GLRA2: variants seen among roughly 807,000 people sequenced by gnomAD.
The protein encoded by GLRA2 is glycine receptor subunit alpha-2.
Under a neutral mutation model 31.6 loss-of-function variants are expected in GLRA2, and 11 were observed. That is an observed-to-expected ratio of 0.35 (90% CI 0.22 to 0.58). The LOEUF is 0.58. Among genes scored for constraint, GLRA2 ranks in the 20% least tolerant of loss-of-function variants. The pLI is 0.84. For missense variants in GLRA2, 212 were observed against 351.8 expected, an observed-to-expected ratio of 0.60 and a Z score of 3.18; for synonymous variants, 132 against 134.0, an observed-to-expected ratio of 0.99 and a Z score of 0.10.
chrX:14,457,366 C>T, the GLRA2 span, among the ~76,000 whole-genome samples: 1 of 108,454 alleles, frequency 9.2e-6, no homozygotes, highest in Non-Finnish European at 1.9e-5. Flanking sequence ...CCACCCCCCA[C>T]GGGCCCCAGT....
chrX:14,519,615 G>A, the GLRA2 span, among the ~76,000 whole-genome samples: 1 of 111,794 alleles, frequency 8.9e-6, no homozygotes, highest in African/African-American at 3.3e-5. Context: ...GCTCTAACAA[G>A]ATTAATTTTA....
At chrX:14,613,383 G>A (rs2090421437) in intron 7 of GLRA2, among the ~76,000 whole-genome samples, 1 of 111,905 alleles carries the variant, frequency 8.9e-6, no homozygotes, top group African/African-American at 3.3e-5. Context: ...ATATGTATGT[G>A]TGTACAAGAT....
At chrX:14,708,623 CAGCACACAGCTGGGAGAAAA>C (rs1343999418) in intron 8 of GLRA2, among the ~76,000 whole-genome samples, 34 of 111,662 alleles carry the variant, frequency 3.0e-4, no homozygotes, top group Non-Finnish European at 4.1e-4. Flanking sequence ...CCCAATTATA[CAGCACACAGCTGGGAGAAAA>C]GAGAGACATC....
At chrX:14,566,915 C>T (rs2089815028) in intron 2 of GLRA2, among the ~76,000 whole-genome samples, 1 of 111,596 alleles carries the variant, frequency 9.0e-6, no homozygotes, top group Non-Finnish European at 1.9e-5. Context: ...TCTGCCTGTG[C>T]ACCCTGACCT....
intron 7 of GLRA2, among the ~76,000 whole-genome samples, chrX:14,630,851 C>A (rs1165855195): frequency 9.6e-6 from 1 of 103,979 alleles, no homozygotes; most frequent in Admixed American, 1.1e-4. Context: ...TACATGTGCA[C>A]AACGTGTGGG....
intron 7 of GLRA2, among the ~76,000 whole-genome samples, chrX:14,636,441 A>G (rs960659842): frequency 8.1e-5 from 9 of 111,538 alleles, no homozygotes; most frequent in Non-Finnish European, 1.3e-4. Flanking sequence ...CTTCCTTCCA[A>G]AAACATATAA....
At chrX:14,536,040 A>C (rs973141727) in intron 2 of GLRA2, among the ~76,000 whole-genome samples, 10 of 112,376 alleles carry the variant, frequency 8.9e-5, no homozygotes, top group African/African-American at 1.9e-4. Flanking sequence ...TAGAGTAGAT[A>C]ATGCCAGGAG....
In GLRA2 at chrX:14,690,751, C is replaced by T. The variant is rs1569522684; in HGVS notation, c.972C>T (p.Cys324=). 1.7e-6 allele frequency: 2 copies of T among 1,206,396 alleles called. No homozygotes were observed. Among genetic ancestry groups the T allele is most frequent in the Non-Finnish European group, 2.2e-6 (2 of 891,475 alleles). ...VKAIDIWMAV[C]LLFVFAALLE... ...CGATTGACATCTGGATGGCGGTGTG[C>T]CTTCTGTTTGTGTTTGCTGCCTTAC... Residue 324 remains cysteine, a synonymous_variant, in exon 8 of 9, where the codon TGC becomes TGT. Coordinates refer to ENST00000218075, the MANE Select transcript of GLRA2 (RefSeq NM_002063.4).
At chrX:14,561,247 C>T (rs910377257) in intron 2 of GLRA2, among the ~76,000 whole-genome samples, 2 of 112,343 alleles carry the variant, frequency 1.8e-5, no homozygotes, top group Admixed American at 9.4e-5. Context: ...ATATCAAACT[C>T]ATTGTAGATA....
the GLRA2 span, among the ~76,000 whole-genome samples, chrX:14,496,027 G>A: frequency 9.0e-6 from 1 of 111,550 alleles, no homozygotes; most frequent in African/African-American, 3.3e-5. Flanking sequence ...TTCTAGCTAA[G>A]GAGAGTTCAT....
chrX:14,610,547 C>A (rs965099654), intron 7 of GLRA2, among the ~76,000 whole-genome samples: 1 of 111,798 alleles, frequency 8.9e-6, no homozygotes, highest in African/African-American at 3.2e-5. Flanking sequence ...AATCAAAAAT[C>A]AATTTTACCT....
intron 8 of GLRA2, among the ~76,000 whole-genome samples, chrX:14,724,925 TGAATG>T (rs2091913093): frequency 9.0e-6 from 1 of 111,564 alleles, no homozygotes; most frequent in African/African-American, 3.3e-5. Flanking sequence ...TTCATAATCT[TGAATG>T]GAAGCCATTT....
At chrX:14,703,880 C>G (rs2091582731) in intron 8 of GLRA2, among the ~76,000 whole-genome samples, 1 of 112,005 alleles carries the variant, frequency 8.9e-6, no homozygotes, top group South Asian at 3.7e-4. Context: ...TGACTTTTCT[C>G]CTTTCCTTGT....
At chrX:14,582,207 A>C (rs1311456497) in intron 4 of GLRA2, among the ~76,000 whole-genome samples, 1 of 63,606 alleles carries the variant, frequency 1.6e-5, no homozygotes. Flanking sequence ...TCCCAATGCT[A>C]TCCCTCCCCC....
intron 2 of GLRA2, among the ~76,000 whole-genome samples, chrX:14,548,855 C>T (rs1436751332): frequency 8.9e-6 from 1 of 111,781 alleles, no homozygotes; most frequent in Non-Finnish European, 1.9e-5. Context: ...GCCCATACTT[C>T]CTTCCAACCA....
At chrX:14,606,167 A>AC (rs2090331930) in intron 5 of GLRA2, among the ~76,000 whole-genome samples, 1 of 109,742 alleles carries the variant, frequency 9.1e-6, no homozygotes, top group Admixed American at 9.8e-5. Flanking sequence ...AAAAAAAAAA[A>AC]AAAAAACATG....
At chrX:14,537,278 A>C (rs1027284126) in intron 2 of GLRA2, among the ~76,000 whole-genome samples, 8 of 111,903 alleles carry the variant, frequency 7.1e-5, no homozygotes, top group Middle Eastern at 4.6e-3. Context: ...GAGTGGAAAT[A>C]TCAGGTGCTT....
chrX:14,525,364 A>G (rs905148678), upstream of GLRA2, among the ~76,000 whole-genome samples: 21 of 111,529 alleles, frequency 1.9e-4, no homozygotes, highest in South Asian at 1.1e-3. Flanking sequence ...CAAAGCTCCT[A>G]AATCTTACTG....
intron 8 of GLRA2, among the ~76,000 whole-genome samples, chrX:14,695,908 G>A: frequency 9.0e-6 from 1 of 111,008 alleles, no homozygotes; most frequent in Non-Finnish European, 1.9e-5. Context: ...AGAATGCTGA[G>A]GCAGAGGCAG....
Sources: allele counts gnomAD v4.1 joint callset (sites outside exome capture counted in the v4.1 genomes callset), GRCh38; gene constraint gnomAD v4.1.1; transcripts MANE v1.5; gene names NCBI Gene and HGNC (gene_info 2026-07-23, HGNC 2026-07-21).